Variants in PCDH7 observed in about 807,000 individuals in gnomAD.
PCDH7 encodes the protein protocadherin 7.
PCDH7 carries 17 observed loss-of-function variants against 58.9 expected under a neutral mutation model. That is an observed-to-expected ratio of 0.29 (90% CI 0.20 to 0.43). PCDH7 has a LOEUF of 0.43. Ranked by LOEUF, PCDH7 falls within the 20% of genes least tolerant of loss-of-function variation. PCDH7 has a pLI of 1.00. For synonymous variants in PCDH7, 664 were observed against 616.4 expected, an observed-to-expected ratio of 1.08 and a Z score of -1.14; for missense variants, 1,274 against 1,441.0, an observed-to-expected ratio of 0.88 and a Z score of 1.88.
intron 1 of PCDH7, among the ~76,000 whole-genome samples, chr4:30,739,148 T>TTTATATATATA (rs1716731717): frequency 6.8e-6 from 1 of 146,666 alleles, no homozygotes; most frequent in Admixed American, 6.9e-5. Context: ...ATATATATAT[T>TTTATATATATA]TTATATATAT....
chr4:30,844,925 T>C (rs1731717757), intron 1 of PCDH7, among the ~76,000 whole-genome samples: 1 of 152,116 alleles, frequency 6.6e-6, no homozygotes, highest in Non-Finnish European at 1.5e-5. Context: ...TGAAAATCTG[T>C]GTATGATTTT....
intron 3 of PCDH7, among the ~76,000 whole-genome samples, chr4:31,031,493 A>C (rs1478910194): frequency 6.6e-6 from 1 of 152,216 alleles, no homozygotes; most frequent in Non-Finnish European, 1.5e-5. Flanking sequence ...GGTATAGATT[A>C]TGTGAAAGAG....
chr4:30,781,443 A>G (rs1361671524), intron 1 of PCDH7, among the ~76,000 whole-genome samples: 1 of 151,538 alleles, frequency 6.6e-6, no homozygotes, highest in Non-Finnish European at 1.5e-5. Context: ...CCCGGCCCCA[A>G]GGCATTCTTT....
At chr4:31,001,286 T>C (rs1426660066) in intron 3 of PCDH7, among the ~76,000 whole-genome samples, 1 of 152,092 alleles carries the variant, frequency 6.6e-6, no homozygotes, top group East Asian at 1.9e-4. Flanking sequence ...ATTTTGTAGG[T>C]ATGAGTGCTG....
intron 1 of PCDH7, among the ~76,000 whole-genome samples, chr4:30,793,368 A>C (rs1724377712): frequency 6.6e-6 from 1 of 152,148 alleles, no homozygotes; most frequent in Admixed American, 6.5e-5. Context: ...GAAGATTCTA[A>C]ATTAGTAGTT....
intron 3 of PCDH7, among the ~76,000 whole-genome samples, chr4:31,008,406 C>T (rs1752945326): frequency 6.6e-6 from 1 of 152,048 alleles, no homozygotes; most frequent in Admixed American, 6.6e-5. Context: ...GAATAACTTA[C>T]TTTTAAAAGT....
chr4:30,920,682 G>A (rs1311338783), intron 2 of PCDH7, among the ~76,000 whole-genome samples: 1 of 152,010 alleles, frequency 6.6e-6, no homozygotes, highest in Admixed American at 6.6e-5. Context: ...CACCAAGAAA[G>A]GTCTTGTCTA....
chr4:31,068,311 AAAAAAGTCTT>A (rs1243212667), intron 3 of PCDH7, among the ~76,000 whole-genome samples: 2 of 151,886 alleles, frequency 1.3e-5, no homozygotes, highest in Non-Finnish European at 2.9e-5. Flanking sequence ...TCTAAAAAAA[AAAAAAGTCTT>A]TAATAAAAAA....
rs1178106704 is a variant in PCDH7 at position 31,006,902 on chromosome 4, A to AG, written c.*7+56687_*7+56688insG. On this transcript the variant is annotated intron_variant, in intron 3 of 3. Coordinates refer to the PCDH7 transcript ENST00000509759. The stretch of plus-strand genomic sequence containing the variant: ...ACTGAAACTTTGTCTCAAAAAAAAA[A>AG]AAAAAGAAAAAGAAAAAGAAACAAG... Among the ~76,000 whole-genome samples the AG allele has an allele frequency of 9.3e-4, 137 of 147,262 alleles. 3 individuals carry two copies. The South Asian group carries it at 0.027, about 29-fold the overall frequency.
intron 1 of PCDH7, among the ~76,000 whole-genome samples, chr4:30,802,388 C>T (rs558943376): frequency 9.9e-5 from 15 of 151,660 alleles, no homozygotes; most frequent in African/African-American, 2.9e-4. Flanking sequence ...AAGAGCAGTT[C>T]GGCAGTGGAA....
chr4:30,854,816 G>A (rs1454468564), intron 1 of PCDH7, among the ~76,000 whole-genome samples: 1 of 151,936 alleles, frequency 6.6e-6, no homozygotes, highest in African/African-American at 2.4e-5. Flanking sequence ...GTGGGTAGTG[G>A]GATGATGGCC....
chr4:30,899,145 A>T (rs76600228), intron 1 of PCDH7, among the ~76,000 whole-genome samples: 12 of 152,042 alleles, frequency 7.9e-5, no homozygotes, highest in East Asian at 3.9e-4. Flanking sequence ...GGTTGTGATT[A>T]AAAAAAATTG....
intron 3 of PCDH7, among the ~76,000 whole-genome samples, chr4:31,104,225 A>G (rs1715260522): frequency 6.6e-6 from 1 of 152,198 alleles, no homozygotes; most frequent in African/African-American, 2.4e-5. Flanking sequence ...TTCTACCACC[A>G]TAGCACCCAG....
chr4:30,723,990 T>G lies in PCDH7; in HGVS notation c.2568T>G (p.Ser856Arg). ...CGATTGACTCCCAGATAGCTAGAAG[T>G]TTGCACATCCCACTCACCCAGGATA... Residue 856 changes from serine to arginine, a missense_variant, in exon 1 of 2, where the codon AGT becomes AGG. Physicochemically the swap from Ser to Arg is moderately radical, Grantham distance 110 (BLOSUM62 -1). Around this residue, in one of 3 missense-constraint regions of PCDH7, gnomAD observed 731 missense variants for 881.9 expected, o/e 0.83. Coordinates refer to ENST00000361762, the Ensembl canonical transcript of PCDH7. This position sits in a 1 kb window ranked among gnomAD's most constrained non-coding sequence, Gnocchi z 4.6. The G allele has an allele frequency of 6.2e-7, 1 of 1,614,104 alleles. No individual in the cohort carries two copies. Among genetic ancestry groups the G allele is most frequent in the Non-Finnish European group, 8.5e-7 (1 of 1,180,026 alleles).
downstream of PCDH7, among the ~76,000 whole-genome samples, chr4:30,735,086 G>A (rs1441879240): frequency 6.6e-6 from 1 of 152,150 alleles, no homozygotes; most frequent in East Asian, 1.9e-4. Context: ...TTTGAGGCAA[G>A]TAAGAGACGC....
chr4:30,753,759 C>T (rs1020570697), intron 1 of PCDH7, among the ~76,000 whole-genome samples: 4 of 152,196 alleles, frequency 2.6e-5, no homozygotes, highest in Admixed American at 6.5e-5. Context: ...ATTACATATG[C>T]AGTGCATTTT....
intron 3 of PCDH7, among the ~76,000 whole-genome samples, chr4:31,097,638 A>ATATAATC (rs370034723): frequency 0.014 from 1,134 of 79,148 alleles, 209 homozygotes; most frequent in South Asian, 0.021. Flanking sequence ...ATATATATAT[A>ATATAATC]AATCTTTTTT....
At chr4:30,969,266 C>T (rs1749326688) in intron 3 of PCDH7, among the ~76,000 whole-genome samples, 1 of 152,156 alleles carries the variant, frequency 6.6e-6, no homozygotes, top group Admixed American at 6.5e-5. Context: ...TGGACATTTT[C>T]AGACATGCCA....
At chr4:30,730,996 A>G in exon 2 of PCDH7, 1 of 1,231,348 alleles carries the variant, frequency 8.1e-7, no homozygotes, top group Non-Finnish European at 1.0e-6. Flanking sequence ...GTATTAATGC[A>G]GAAATGTGCT....
Sources: gnomAD v4.1 joint callset for allele counts (sites outside exome capture counted in the v4.1 genomes callset) on GRCh38, gnomAD v4.1.1 for gene constraint, gnomAD v4.1.1 regional missense constraint, Gnocchi (gnomAD v3.1) non-coding constraint, MANE v1.5 for transcripts, NCBI Gene and HGNC (gene_info 2026-07-23, HGNC 2026-07-21) for gene names.